The following ABCA13 variants were observed in gnomAD, a reference collection of about 807,000 sequenced individuals.
ABCA13 encodes the protein ATP binding cassette subfamily A member 13.
Under a neutral mutation model 478.7 loss-of-function variants are expected in ABCA13, and 476 were observed. The ratio of observed to expected loss-of-function variants is 0.99; its 90% confidence interval spans 0.92 to 1.07. The LOEUF (loss-of-function observed/expected upper bound fraction) is 1.07, where lower values mean the gene tolerates loss of function less well. Ranked by LOEUF, ABCA13 falls within the 50% of genes least tolerant of loss-of-function variation. The pLI is 0.00. For missense variants in ABCA13, 6,060 were observed against 5,910.6 expected (o/e 1.03, Z -0.83); for synonymous variants, 2,252 against 2,158.9 (o/e 1.04, Z -1.20).
At chr7:48,639,786 T>G (rs1794973905) in intron 59 of ABCA13, among the ~76,000 whole-genome samples, 1 of 152,230 alleles carries the variant, frequency 6.6e-6, no homozygotes, top group African/African-American at 2.4e-5. Context: ...AAGAATTTTA[T>G]GCGTTTAATT....
chr7:48,204,072 A>C (rs932602283), intron 3 of ABCA13, among the ~76,000 whole-genome samples: 1 of 143,778 alleles, frequency 7.0e-6, no homozygotes, highest in Non-Finnish European at 1.5e-5. Flanking sequence ...CTGCTGCCTC[A>C]CCTCAGCTTC....
rs752504520 is a variant in ABCA13, at chr7:48,403,802, T to G, written c.11993T>G (p.Val3998Gly). ...IAFMGMSRTV[V>G]LDEPTSGVDP... ...TTCATGGGCATGTCGAGGACCGTGG[T>G]TCTGGATGAGCCCACCAGTGGGGTG... The change falls in exon 39 of 62, where the codon GTT (valine) becomes GGT (glycine). Residue 3998 changes from valine (V) to glycine (G), a missense_variant. Physicochemically the swap from Val to Gly is moderately radical, Grantham distance 109. Around this residue, in one of 3 missense-constraint regions of ABCA13, gnomAD observed 1,627 missense variants for 1,571.0 expected, o/e 1.04. Transcript: ENST00000435803. 1 of 1,613,790 alleles carries G rather than the reference T, an allele frequency of 6.2e-7. No individual in the cohort carries two copies. The highest frequency in any genetic ancestry group is 8.5e-7 in the Non-Finnish European group (1 of 1,179,852).
chr7:48,190,955 T>C (rs1797028984), intron 1 of ABCA13, among the ~76,000 whole-genome samples: 1 of 152,184 alleles, frequency 6.6e-6, no homozygotes, highest in Non-Finnish European at 1.5e-5. Flanking sequence ...TTTATACAAC[T>C]ACTTGTCTTA....
At chr7:48,592,881 T>C (rs1420143092) in intron 57 of ABCA13, among the ~76,000 whole-genome samples, 1 of 151,976 alleles carries the variant, frequency 6.6e-6, no homozygotes, top group African/African-American at 2.4e-5. Flanking sequence ...GACATAAATA[T>C]AGATAAACAT....
chr7:48,380,882 C>T (rs541394861), intron 35 of ABCA13, among the ~76,000 whole-genome samples: 28 of 152,226 alleles, frequency 1.8e-4, no homozygotes, highest in African/African-American at 3.9e-4. Flanking sequence ...ACCTGCTGTA[C>T]GGGGCGATCA....
intron 5 of ABCA13, among the ~76,000 whole-genome samples, chr7:48,222,192 T>C (rs1787466832): frequency 6.6e-6 from 1 of 152,192 alleles, no homozygotes; most frequent in African/African-American, 2.4e-5. Flanking sequence ...TCATCTTAAC[T>C]TGGAGATTTC....
chr7:48,534,784 T>C (rs1371155280), intron 55 of ABCA13, among the ~76,000 whole-genome samples: 1 of 152,224 alleles, frequency 6.6e-6, no homozygotes, highest in East Asian at 1.9e-4. Flanking sequence ...TTGCTTCTGC[T>C]TTTCCAGTTC....
rs543492714 is a variant in ABCA13, at chr7:48,298,306, C to A, written c.9200-60C>A. On this transcript the variant is annotated intron_variant, in intron 22 of 61. Transcript: ENST00000435803. ...AGGTTGTAATATCAAATTTTGTTTT[C>A]GCAGTCAGTAATGATCTAAACCTTT... 359 of 1,465,752 alleles carry A rather than the reference C, an allele frequency of 2.4e-4. 3 individuals are homozygous for A. In the Middle Eastern group the frequency reaches 3.4e-3, roughly 14 times the overall value. 90.8% of individuals were successfully genotyped at this position (1,465,752 alleles called of 1,614,324 possible).
chr7:48,280,449 C>T (rs1054189034), intron 18 of ABCA13, among the ~76,000 whole-genome samples: 10 of 152,294 alleles, frequency 6.6e-5, no homozygotes, highest in Middle Eastern at 3.4e-3. Context: ...CCATAGAAAC[C>T]TGTTCTTAAA....
intron 23 of ABCA13, 85 bp from the exon 24 acceptor site, chr7:48,309,862 C>A: frequency 1.3e-6 from 2 of 1,498,348 alleles, no homozygotes; most frequent in Non-Finnish European, 9.2e-7. Context: ...TTGGGCGACT[C>A]CCTGCCGATG....
rs1584660942 is a variant in ABCA13 at position 48,290,109 on chromosome 7, A to G, written c.8955+2031A>G. 1.3e-5 allele frequency among the ~76,000 whole-genome samples: 2 copies of G among 152,350 alleles called. 1 individual carries two copies. Among genetic ancestry groups the G allele is most frequent in the South Asian group, 4.1e-4 (2 of 4,828 alleles). On this transcript the variant is annotated intron_variant, in intron 20 of 61. Coordinates refer to ENST00000435803, the MANE Select transcript of ABCA13 (RefSeq NM_152701.5). ...TTCAGCTGATTGAATCGATATGACAAAAGTTTGGGGCTGTCAACTCCTTAC... is the reference window on the plus strand; with the variant it reads ...TTCAGCTGATTGAATCGATATGACAGAAGTTTGGGGCTGTCAACTCCTTAC...
At chr7:48,374,885 C>A (rs967522260) in intron 34 of ABCA13, among the ~76,000 whole-genome samples, 2 of 152,190 alleles carry the variant, frequency 1.3e-5, no homozygotes, top group African/African-American at 4.8e-5. Flanking sequence ...CTCTCCATTG[C>A]TCACGTTATC....
intron 3 of ABCA13, among the ~76,000 whole-genome samples, chr7:48,201,830 A>T (rs13227532): frequency 6.6e-6 from 1 of 151,954 alleles, no homozygotes; most frequent in Non-Finnish European, 1.5e-5. Context: ...GCAGACCCTC[A>T]TGGTAAGTGT....
intron 29 of ABCA13, among the ~76,000 whole-genome samples, chr7:48,342,203 G>A (rs1807346874): frequency 6.6e-6 from 1 of 151,818 alleles, no homozygotes; most frequent in Non-Finnish European, 1.5e-5. Flanking sequence ...TCGCTAATAC[G>A]ATTTCATTTG....
At chr7:48,353,212 G>C (rs577704509) in intron 31 of ABCA13, among the ~76,000 whole-genome samples, 9 of 151,818 alleles carry the variant, frequency 5.9e-5, no homozygotes, top group Admixed American at 5.9e-4. Flanking sequence ...ACCAAAGCGG[G>C]GTGAGCCGTA....
At chr7:48,415,736 A>T (rs964448902) in intron 41 of ABCA13, among the ~76,000 whole-genome samples, 8 of 152,208 alleles carry the variant, frequency 5.3e-5, no homozygotes, top group Non-Finnish European at 1.2e-4. Flanking sequence ...TAAATATCAC[A>T]GAAAAAAAAA....
chr7:48,487,554 A>G (rs1829450427), intron 47 of ABCA13, among the ~76,000 whole-genome samples: 1 of 152,198 alleles, frequency 6.6e-6, no homozygotes, highest in Admixed American at 6.5e-5. Flanking sequence ...ACAAAATTTA[A>G]AAAACCTTAA....
chr7:48,209,511 G>A (rs1785351024), intron 3 of ABCA13, among the ~76,000 whole-genome samples: 1 of 152,002 alleles, frequency 6.6e-6, no homozygotes, highest in Admixed American at 6.6e-5. Context: ...TTTCTTTGAT[G>A]GGGGAATGTT....
chr7:48,532,739 T>C lies in ABCA13; in HGVS notation c.14354+4394T>C, dbSNP rs1833322542. 2.0e-5 allele frequency among the ~76,000 whole-genome samples: 3 copies of C among 152,138 alleles called. No individual in the cohort carries two copies. The South Asian group carries it at 6.2e-4, about 31-fold the overall frequency. ...TTCCTGGTTTAATCTAGGAGGATTATATATTTCCAGGAATTTATTCATCTC... is the reference window on the plus strand; with the variant it reads ...TTCCTGGTTTAATCTAGGAGGATTACATATTTCCAGGAATTTATTCATCTC... On this transcript the variant is annotated intron_variant, in intron 55 of 61. Coordinates refer to ENST00000435803, the MANE Select transcript of ABCA13 (RefSeq NM_152701.5).
Sources: allele counts gnomAD v4.1 joint callset (sites outside exome capture counted in the v4.1 genomes callset), GRCh38; gene constraint gnomAD v4.1.1; regional missense constraint gnomAD v4.1.1; transcripts MANE v1.5; gene names NCBI Gene and HGNC (gene_info 2026-07-23, HGNC 2026-07-21).